AKAP6: variants seen among roughly 807,000 people sequenced by gnomAD.
The protein encoded by AKAP6 is A-kinase anchor protein 6.
Under a neutral mutation model 188.5 loss-of-function variants are expected in AKAP6, and 58 were observed. That is an observed-to-expected ratio of 0.31 (90% confidence interval 0.25 to 0.38). The LOEUF is 0.38. Among genes scored for constraint, AKAP6 ranks in the 10% least tolerant of loss-of-function variants. The pLI, the probability that AKAP6 is intolerant of heterozygous loss-of-function variation, is 1.00. For synonymous variants in AKAP6, 989 were observed against 998.6 expected (o/e 0.99, Z 0.18); for missense variants, 2,710 against 2,740.0 (o/e 0.99, Z 0.24).
At chr14:32,352,537 G>A (rs1887324128) in intron 1 of AKAP6, among the ~76,000 whole-genome samples, 1 of 152,148 alleles carries the variant, frequency 6.6e-6, no homozygotes, top group Non-Finnish European at 1.5e-5. Flanking sequence ...TATACCCCTT[G>A]ACCAATCTCC....
chr14:32,629,863 C>T (rs1887188339), intron 7 of AKAP6, among the ~76,000 whole-genome samples: 1 of 151,206 alleles, frequency 6.6e-6, no homozygotes, highest in Non-Finnish European at 1.5e-5. Context: ...TCTCTTGAGG[C>T]CAGGACCGGC....
intron 2 of AKAP6, among the ~76,000 whole-genome samples, chr14:32,524,725 C>A (rs752609450): frequency 6.6e-6 from 1 of 152,256 alleles, no homozygotes; most frequent in African/African-American, 2.4e-5. Context: ...GGCTACCTTT[C>A]AAGTGCTGGG....
chr14:32,514,634 C>T (rs1249081058), intron 2 of AKAP6, among the ~76,000 whole-genome samples: 1 of 152,146 alleles, frequency 6.6e-6, no homozygotes, highest in Non-Finnish European at 1.5e-5. Context: ...AATGGAGTTA[C>T]TAGAAATTTA....
At chr14:32,731,709 T>G (rs2031184359) in intron 9 of AKAP6, among the ~76,000 whole-genome samples, 1 of 152,068 alleles carries the variant, frequency 6.6e-6, no homozygotes, top group African/African-American at 2.4e-5. Flanking sequence ...AACTATGGAG[T>G]TATCCAAATA....
intron 1 of AKAP6, among the ~76,000 whole-genome samples, chr14:32,423,101 A>T (rs1468945982): frequency 6.6e-6 from 1 of 152,178 alleles, no homozygotes; most frequent in African/African-American, 2.4e-5. Context: ...TGGAAGGAGA[A>T]AAATTAGGTC....
At chr14:32,395,250 C>G (rs1448125804) in intron 1 of AKAP6, among the ~76,000 whole-genome samples, 2 of 152,062 alleles carry the variant, frequency 1.3e-5, no homozygotes, top group African/African-American at 2.4e-5. Context: ...AACCTTGAAC[C>G]TGCTCTAAGT....
chr14:32,695,404 A>G (rs1890362241), intron 8 of AKAP6, among the ~76,000 whole-genome samples: 1 of 152,256 alleles, frequency 6.6e-6, no homozygotes, highest in Admixed American at 6.5e-5. Flanking sequence ...GGACAGATAA[A>G]TGATTGAGTG....
Position 32,535,585 on chromosome 14 carries a change from A to G in AKAP6, c.356A>G (p.Glu119Gly), listed in dbSNP as rs1485252275. 19 of 1,613,920 alleles carry G rather than the reference A, an allele frequency of 1.2e-5. No individual in the cohort carries two copies. Among genetic ancestry groups the G allele is most frequent in the Non-Finnish European group, 1.4e-5 (17 of 1,179,924 alleles). The part of the protein sequence containing the change: ...DICEDISDHV[E>G]QIHALLETEF... ...TGTGAAGATATTTCTGATCATGTTG[A>G]GCAAATCCATGCCCTCCTTGAAACA... Residue 119 changes from glutamate (E) to glycine (G), a missense_variant, in exon 3 of 14, where the codon GAG (glutamate) becomes GGG (glycine). Physicochemically the swap from Glu to Gly is moderately conservative, Grantham distance 98. Transcript: ENST00000280979.
rs1566546572 is a variant in AKAP6, at chr14:32,510,420, A to ATATATGTG, written c.325-25130_325-25129insTGTGTATA. ...TATATATATGTATATATATGTATATATATACATATATATATGTGTATATAT... is the reference window on the plus strand; with the variant it reads ...TATATATATGTATATATATGTATATATATATGTGTATACATATATATATGTGTATATAT... On this transcript the variant is annotated intron_variant, in intron 2 of 13. Transcript: ENST00000280979. Among the ~76,000 whole-genome samples the ATATATGTG allele has an allele frequency of 1.1e-3, 109 of 95,042 alleles. 2 individuals are homozygous for ATATATGTG. The highest frequency in any genetic ancestry group is 2.0e-3 in the Non-Finnish European group (96 of 48,166). The allele number at this position is 95,042 out of a possible 152,430, so 62.4% of individuals were successfully genotyped here. A position where few individuals can be genotyped will look rare whatever the true frequency, so the allele number is the denominator to read the frequency against.
Position 32,688,313 on chromosome 14 carries a change from G to A in AKAP6, c.2880-7677G>A, listed in dbSNP as rs1452563904. ...GATTTATTTCATTTTAGTATACTGAGGTTAGCTCTTTTCTTTAAAATGTAT... is the reference window on the plus strand; with the variant it reads ...GATTTATTTCATTTTAGTATACTGAAGTTAGCTCTTTTCTTTAAAATGTAT... On this transcript the variant is annotated intron_variant, in intron 8 of 13. Transcript: ENST00000280979. 2.6e-5 allele frequency among the ~76,000 whole-genome samples: 4 copies of A among 151,938 alleles called. No individual in the cohort carries two copies. The East Asian group carries it at 7.7e-4, about 29-fold the overall frequency.
intron 2 of AKAP6, among the ~76,000 whole-genome samples, chr14:32,478,000 G>A (rs768065172): frequency 2.0e-5 from 3 of 152,210 alleles, no homozygotes; most frequent in Non-Finnish European, 2.9e-5. Context: ...AGAATGATGA[G>A]AGAGTCTTAG....
intron 1 of AKAP6, among the ~76,000 whole-genome samples, chr14:32,367,870 G>A (rs923251926): frequency 6.6e-6 from 1 of 152,104 alleles, no homozygotes; most frequent in Non-Finnish European, 1.5e-5. Context: ...AAATAGTCCA[G>A]CTTTACATCT....
intron 5 of AKAP6, among the ~76,000 whole-genome samples, chr14:32,582,171 C>T (rs1297592332): frequency 2.0e-5 from 3 of 151,972 alleles, no homozygotes; most frequent in Non-Finnish European, 4.4e-5. Flanking sequence ...CCTTCAGGAG[C>T]TCTTTTAGGG....
At chr14:32,419,737 A>C (rs1052504067) in intron 1 of AKAP6, among the ~76,000 whole-genome samples, 1 of 152,076 alleles carries the variant, frequency 6.6e-6, no homozygotes, top group South Asian at 2.1e-4. Flanking sequence ...ATGCAACCTC[A>C]TTATTGATTT....
At chr14:32,550,334 T>A (rs1457458330) in intron 4 of AKAP6, among the ~76,000 whole-genome samples, 8 of 152,188 alleles carry the variant, frequency 5.3e-5, no homozygotes, top group Non-Finnish European at 1.0e-4. Context: ...ATGAAACTTT[T>A]AAGAAGAAAT....
chr14:32,642,130 T>A (rs572522450), intron 7 of AKAP6, among the ~76,000 whole-genome samples: 1 of 152,286 alleles, frequency 6.6e-6, no homozygotes, highest in South Asian at 2.1e-4. Context: ...TATTTGCTTT[T>A]TCCTGTTTGC....
Position 32,370,644 on chromosome 14 carries a change from C to T in AKAP6, c.-35+41236C>T, listed in dbSNP as rs117700909. ...GTGAAATGGAAGAAAGACTGAGCAA[C>T]TTGCATAAGATAAATCTTTTACTAC... is the stretch of plus-strand genomic sequence containing the variant. On this transcript the variant is annotated intron_variant, in intron 1 of 13. Coordinates refer to ENST00000280979, the MANE Select transcript of AKAP6 (RefSeq NM_004274.5). 9.5e-4 allele frequency among the ~76,000 whole-genome samples: 144 copies of T among 152,290 alleles called. 4 individuals carry two copies. In the East Asian group the frequency reaches 0.023, roughly 24 times the overall value.
At chr14:32,472,901 A>G (rs1288968635) in intron 2 of AKAP6, among the ~76,000 whole-genome samples, 2 of 152,230 alleles carry the variant, frequency 1.3e-5, no homozygotes, top group Non-Finnish European at 2.9e-5. Flanking sequence ...AAGGAAAAAA[A>G]AAGAGAAAAT....
In AKAP6 at chr14:32,546,627, C is replaced by A. The variant is rs1883211655; in HGVS notation, c.1974C>A (p.Pro658=). 6.8e-6 allele frequency: 11 copies of A among 1,614,156 alleles called. No homozygotes were observed. Among genetic ancestry groups the A allele is most frequent in the Non-Finnish European group, 9.3e-6 (11 of 1,180,022 alleles). The change falls in exon 4 of 14, where the codon CCC becomes CCA. Residue 658 remains proline (P), a synonymous_variant. Transcript: ENST00000280979. The part of the protein sequence containing the change: ...ENLTKLLPQK[P]RGETIQNIDD... Reference sequence around the variant, plus strand: ...TAACAAAGCTTCTGCCTCAGAAACCCAGAGGAGAAACCATCCAGAATATTG... The same window carrying A: ...TAACAAAGCTTCTGCCTCAGAAACCAAGAGGAGAAACCATCCAGAATATTG...
Sources: gnomAD v4.1 joint callset for allele counts (sites outside exome capture counted in the v4.1 genomes callset) on GRCh38, gnomAD v4.1.1 for gene constraint, MANE v1.5 for transcripts, NCBI Gene and HGNC (gene_info 2026-07-23, HGNC 2026-07-21) for gene names.